The following TMTC4 variants were observed in gnomAD, a reference collection of about 807,000 sequenced individuals.
TMTC4 encodes the protein transmembrane O-mannosyltransferase targeting cadherins 4, also known as protein O-mannosyl-transferase TMTC4.
TMTC4 carries 65 observed loss-of-function variants against 86.0 expected under a neutral mutation model. The ratio of observed to expected loss-of-function variants is 0.76; its 90% confidence interval spans 0.62 to 0.93. TMTC4 has a LOEUF of 0.93. TMTC4 is among the 40% of genes least tolerant of loss of function. The probability of loss-of-function intolerance (pLI) is 0.00; values close to 1 mark genes in which losing one functional copy is unlikely to be tolerated. For missense variants in TMTC4, 866 were observed against 948.1 expected (o/e 0.91, Z 1.14); for synonymous variants, 379 against 382.5 (o/e 0.99, Z 0.11).
intron 7 of TMTC4, among the ~76,000 whole-genome samples, chr13:100,641,045 C>A (rs1417612116): frequency 6.6e-6 from 1 of 151,832 alleles, no homozygotes; most frequent in Non-Finnish European, 1.5e-5. Flanking sequence ...AGAGAGCCCT[C>A]CCCCACCCCC....
chr13:100,625,041 C>A, intron 15 of TMTC4: 1 of 155,528 alleles, frequency 6.4e-6, no homozygotes, highest in Non-Finnish European at 1.4e-5. Flanking sequence ...ATGTCAAAGC[C>A]CTTTCAAATA....
chr13:100,666,185 C>T (rs1016367673), intron 3 of TMTC4: 1 of 387,148 alleles, frequency 2.6e-6, no homozygotes, highest in African/African-American at 2.1e-5. Context: ...CCCCTAACTC[C>T]ACTGTCTCAA....
At chr13:100,668,903 G>A (rs1259430722) in intron 2 of TMTC4, 109 bp from the exon 3 acceptor site, 5 of 1,137,010 alleles carry the variant, frequency 4.4e-6, no homozygotes, top group African/African-American at 1.5e-5. Context: ...TGATTTTATA[G>A]GATGTGATCA....
chr13:100,642,218 G>A lies in TMTC4; in HGVS notation c.734C>T (p.Thr245Ile), dbSNP rs1246883205. The change falls in exon 7 of 19, where the codon ACT becomes ATT. Residue 245 changes from threonine (T) to isoleucine (I), a missense_variant. Physicochemically the swap from Thr to Ile is moderately conservative, Grantham distance 89. Coordinates refer to ENST00000342624, the MANE Select transcript of TMTC4 (RefSeq NM_032813.5). Reference sequence around the variant, plus strand: ...CCATGTTGCGGCTCTCACCAGCACAGTGATCCCTTGCTCTTTGCACAGCAT... The same window carrying A: ...CCATGTTGCGGCTCTCACCAGCACAATGATCCCTTGCTCTTTGCACAGCAT... The part of the protein sequence containing the change: ...VAMLCKEQGI[T>I]VLGLNAVFDI... The A allele has an allele frequency of 1.2e-6, 2 of 1,614,216 alleles. No homozygotes were observed. Among genetic ancestry groups the A allele is most frequent in the Non-Finnish European group, 8.5e-7 (1 of 1,180,028 alleles).
intron 7 of TMTC4, among the ~76,000 whole-genome samples, chr13:100,641,698 G>A (rs1304756404): frequency 3.9e-5 from 6 of 152,108 alleles, no homozygotes; most frequent in Non-Finnish European, 8.8e-5. Flanking sequence ...TGTTGGTCAG[G>A]CTGGTTTCGA....
chr13:100,606,640 G>A (rs115956467), intron 17 of TMTC4, among the ~76,000 whole-genome samples: 478 of 152,336 alleles, frequency 3.1e-3, no homozygotes, highest in African/African-American at 0.011. Flanking sequence ...GCAGAGAGGG[G>A]ATGAACATGT....
intron 3 of TMTC4, among the ~76,000 whole-genome samples, chr13:100,665,593 G>A (rs1886298928): frequency 6.6e-6 from 1 of 152,188 alleles, no homozygotes; most frequent in Admixed American, 6.5e-5. Context: ...TCCAACAGGT[G>A]GGCGCACCTG....
intron 15 of TMTC4, among the ~76,000 whole-genome samples, chr13:100,618,299 C>T (rs1878832306): frequency 6.6e-6 from 1 of 152,106 alleles, no homozygotes; most frequent in Non-Finnish European, 1.5e-5. Flanking sequence ...AGCTTGACTT[C>T]TTCTTTTCCT....
rs751523883 is a variant in TMTC4, at chr13:100,636,656, T to C, written c.1078A>G (p.Met360Val). ...GACTTAATGAGGGGGATGCAGCCCA[T>C]TGACCAATCAAAACACAGCCACCAG... ...CPWWLCFDWSMGCIPLIKSIS... is the reference protein window; with the variant it reads ...CPWWLCFDWSVGCIPLIKSIS... Residue 360 changes from methionine to valine, a missense_variant, in exon 10 of 19, where the codon ATG (methionine) becomes GTG (valine). Transcript: ENST00000342624. 64 of 1,614,116 alleles carry C rather than the reference T, an allele frequency of 4.0e-5. No homozygotes were observed. The highest frequency in any genetic ancestry group is 3.3e-4 in the Middle Eastern group (2 of 6,084).
At position 100,605,252 on chromosome 13, in the gene TMTC4, A is replaced by C. The variant is rs1876401782; in HGVS notation, c.2135-110T>G. ...AGATCCTATGCAAACAGTTTTCAAA[A>C]GTCAATTGTATGAAACAATATTGTT... On this transcript the variant is annotated intron_variant, in intron 18 of 18. Coordinates refer to ENST00000342624, the MANE Select transcript of TMTC4 (RefSeq NM_032813.5). The surrounding 1 kb of genome is among the most constrained non-coding windows in gnomAD (Gnocchi z 4.3). 7.9e-7 allele frequency: 1 copy of C among 1,262,246 alleles called. No individual in the cohort carries two copies. Among genetic ancestry groups the C allele is most frequent in the Non-Finnish European group, 1.1e-6 (1 of 916,152 alleles). The allele number at this position is 1,262,246 out of a possible 1,614,324, so 78.2% of individuals were successfully genotyped here. A position where few individuals can be genotyped will look rare whatever the true frequency, so the allele number is the denominator to read the frequency against.
At chr13:100,647,407 C>T (rs1291415181) in intron 6 of TMTC4, among the ~76,000 whole-genome samples, 3 of 152,100 alleles carry the variant, frequency 2.0e-5, no homozygotes, top group African/African-American at 7.2e-5. Context: ...CAAATGGACA[C>T]CCTCCACCCC....
At chr13:100,619,751 G>C (rs74118103) in intron 15 of TMTC4, among the ~76,000 whole-genome samples, 2,890 of 152,280 alleles carry the variant, frequency 0.019, 78 homozygotes, top group African/African-American at 0.057. Context: ...TTCAGAAAAT[G>C]AAAATAATGC....
intron 8 of TMTC4, 98 bp downstream of exon 8, chr13:100,637,832 G>C: frequency 6.5e-7 from 1 of 1,531,268 alleles, no homozygotes; most frequent in East Asian, 2.3e-5. Context: ...GGTTATTGTA[G>C]AATTCAAAAT....
chr13:100,673,169 C>T (rs1316050232), intron 1 of TMTC4: 2 of 214,202 alleles, frequency 9.3e-6, no homozygotes, highest in African/African-American at 4.7e-5. Flanking sequence ...GAGGTTAAAA[C>T]AAATTAATCA....
At chr13:100,673,280 T>C in intron 1 of TMTC4, 1 of 984,580 alleles carries the variant, frequency 1.0e-6, no homozygotes, top group Non-Finnish European at 1.2e-6. Flanking sequence ...CACGGCAGCC[T>C]GGACTGCGGT....
chr13:100,611,434 C>T (rs1029166929), intron 17 of TMTC4, among the ~76,000 whole-genome samples: 1 of 151,896 alleles, frequency 6.6e-6, no homozygotes, highest in Non-Finnish European at 1.5e-5. Context: ...AAATACAAAA[C>T]ATTAGCCGGG....
intron 6 of TMTC4, among the ~76,000 whole-genome samples, chr13:100,647,125 G>A (rs1166018099): frequency 1.3e-5 from 2 of 152,210 alleles, no homozygotes; most frequent in Admixed American, 6.5e-5. Context: ...CTCAGTCTCG[G>A]TACAGCCTCT....
chr13:100,648,080 C>T (rs1219912310), intron 6 of TMTC4, among the ~76,000 whole-genome samples: 1 of 152,182 alleles, frequency 6.6e-6, no homozygotes, highest in Non-Finnish European at 1.5e-5. Context: ...GGTAATGTTT[C>T]TTTGCTGAAG....
chr13:100,645,955 C>T (rs1207488245), intron 6 of TMTC4, among the ~76,000 whole-genome samples: 1 of 152,110 alleles, frequency 6.6e-6, no homozygotes, highest in Non-Finnish European at 1.5e-5. Context: ...AAAAATGTCA[C>T]AGATATTGCC....
Sources: gnomAD v4.1 joint callset for allele counts (sites outside exome capture counted in the v4.1 genomes callset) on GRCh38, gnomAD v4.1.1 for gene constraint, Gnocchi (gnomAD v3.1) non-coding constraint, MANE v1.5 for transcripts, NCBI Gene and HGNC (gene_info 2026-07-23, HGNC 2026-07-21) for gene names.